The following ZFHX3 variants were observed in gnomAD, a reference collection of about 807,000 sequenced individuals.
ZFHX3 encodes zinc finger homeobox protein 3.
In ZFHX3, 42 loss-of-function variants were observed where a neutral mutation model predicts 279.1. The observed-to-expected ratio is 0.15, with a 90% CI of 0.12 to 0.19. ZFHX3 has a LOEUF of 0.19. Ranked by LOEUF, ZFHX3 falls within the 10% of genes least tolerant of loss-of-function variation. ZFHX3 has a pLI of 1.00. For synonymous variants in ZFHX3, 2,293 were observed against 1,957.8 expected (o/e 1.17, Z -4.52); for missense variants, 4,981 against 4,754.0 (o/e 1.05, Z -1.40).
At chr16:72,919,350 G>A (rs1000240585) in intron 3 of ZFHX3, among the ~76,000 whole-genome samples, 4 of 151,854 alleles carry the variant, frequency 2.6e-5, no homozygotes, top group African/African-American at 9.7e-5. Context: ...TGTAGAGATG[G>A]GGGTTTCACC....
At chr16:73,440,300 C>A (rs1469267129) in intron 3 of ZFHX3, among the ~76,000 whole-genome samples, 3 of 152,180 alleles carry the variant, frequency 2.0e-5, no homozygotes, top group Non-Finnish European at 4.4e-5. Flanking sequence ...AGTGGAGCAA[C>A]ATCCAGACAA....
intron 4 of ZFHX3, among the ~76,000 whole-genome samples, chr16:72,867,429 C>G (rs13338961): frequency 6.6e-6 from 1 of 152,166 alleles, no homozygotes; most frequent in Non-Finnish European, 1.5e-5. Flanking sequence ...CCCCTTCTAT[C>G]TGGAAGATTG....
At chr16:73,220,665 G>A (rs1007060351) in intron 5 of ZFHX3, among the ~76,000 whole-genome samples, 1 of 152,132 alleles carries the variant, frequency 6.6e-6, no homozygotes, top group Non-Finnish European at 1.5e-5. Flanking sequence ...TCTGGTGAAG[G>A]GGGCTAGTGG....
At chr16:72,844,183 C>G (rs781596767) in intron 4 of ZFHX3, among the ~76,000 whole-genome samples, 1 of 152,330 alleles carries the variant, frequency 6.6e-6, no homozygotes, top group Admixed American at 6.5e-5. Context: ...GTCACAGCCC[C>G]GAATCCCAGC....
At chr16:73,421,475 A>G (rs1425919839) in intron 3 of ZFHX3, 1 of 152,246 alleles carries the variant, frequency 6.6e-6, no homozygotes, top group Non-Finnish European at 1.5e-5. Context: ...AATTTGCAAA[A>G]TAATTTTGCT....
Position 73,543,716 on chromosome 16 carries a change from C to A in ZFHX3, c.-1546-87458G>T, listed in dbSNP as rs1017767991. ...TTTTTTCCTCTGCCCAAGTCCCCCG[C>A]CCCCACCTTCTCTTCTCCTCCCAGC... On this transcript the variant is annotated intron_variant, in intron 2 of 17. Transcript: ENST00000641206. 2.0e-5 allele frequency among the ~76,000 whole-genome samples: 3 copies of A among 151,830 alleles called. No homozygotes were observed. In the East Asian group the frequency reaches 5.8e-4, roughly 29 times the overall value.
intron 1 of ZFHX3, among the ~76,000 whole-genome samples, chr16:73,743,098 A>G (rs2053673746): frequency 6.6e-6 from 1 of 152,184 alleles, no homozygotes; most frequent in African/African-American, 2.4e-5. Context: ...ATTTTCATTT[A>G]CTGAATTTTT....
At chr16:73,752,833 A>T (rs145426666) in intron 1 of ZFHX3, among the ~76,000 whole-genome samples, 1 of 152,196 alleles carries the variant, frequency 6.6e-6, no homozygotes, top group Non-Finnish European at 1.5e-5. Context: ...TAGTATGGAC[A>T]CTCTTTCAGA....
chr16:73,802,374 C>T (rs538083681), intron 1 of ZFHX3, among the ~76,000 whole-genome samples: 1 of 152,300 alleles, frequency 6.6e-6, no homozygotes, highest in African/African-American at 2.4e-5. Flanking sequence ...ATGGGTGTTT[C>T]CCAGTGTAAG....
chr16:73,076,841 G>A (rs1282896160), intron 8 of ZFHX3, among the ~76,000 whole-genome samples: 3 of 151,928 alleles, frequency 2.0e-5, no homozygotes, highest in African/African-American at 2.4e-5. Flanking sequence ...TGTGCGCAGC[G>A]GCATTAACTT....
intron 1 of ZFHX3, among the ~76,000 whole-genome samples, chr16:73,812,291 C>T (rs974173316): frequency 1.3e-5 from 2 of 152,228 alleles, no homozygotes; most frequent in Admixed American, 1.3e-4. Flanking sequence ...AACACTCTCA[C>T]TTCCGCTTTG....
intron 1 of ZFHX3, among the ~76,000 whole-genome samples, chr16:73,771,549 C>T (rs1185828673): frequency 1.3e-5 from 2 of 152,178 alleles, no homozygotes; most frequent in African/African-American, 4.8e-5. Context: ...GTCTTACCTT[C>T]CTCTGAGGCT....
chr16:73,823,090 T>G (rs962069613), intron 1 of ZFHX3, among the ~76,000 whole-genome samples: 5 of 152,146 alleles, frequency 3.3e-5, no homozygotes, highest in African/African-American at 1.2e-4. Context: ...ATTAATGATC[T>G]GATCATAAAA....
intron 7 of ZFHX3, among the ~76,000 whole-genome samples, chr16:73,094,068 CA>C (rs1966126640): frequency 6.6e-6 from 1 of 152,118 alleles, no homozygotes; most frequent in South Asian, 2.1e-4. Context: ...TGGACCCCCC[CA>C]ACCCCCTACA....
chr16:73,784,796 A>ATAT (rs1555501448), intron 1 of ZFHX3, among the ~76,000 whole-genome samples: 79 of 131,102 alleles, frequency 6.0e-4, no homozygotes, highest in Admixed American at 1.6e-3. Context: ...TAAAAAAAAA[A>ATAT]ATATATATAT....
intron 3 of ZFHX3, among the ~76,000 whole-genome samples, chr16:73,443,724 C>T (rs980094985): frequency 6.6e-6 from 1 of 151,950 alleles, no homozygotes; most frequent in Non-Finnish European, 1.5e-5. Flanking sequence ...CATAAAATTC[C>T]ACCATATATT....
At chr16:73,472,886 G>C (rs2018694000) in intron 2 of ZFHX3, among the ~76,000 whole-genome samples, 2 of 152,082 alleles carry the variant, frequency 1.3e-5, no homozygotes, top group African/African-American at 4.8e-5. Flanking sequence ...GGTCCACTGA[G>C]GGATTTCATC....
chr16:73,403,521 G>A (rs2017299673), intron 3 of ZFHX3, among the ~76,000 whole-genome samples: 2 of 151,324 alleles, frequency 1.3e-5, no homozygotes, highest in Non-Finnish European at 2.9e-5. Flanking sequence ...GTTTTCCATG[G>A]GAATTAGAAT....
intron 4 of ZFHX3, among the ~76,000 whole-genome samples, chr16:72,868,459 A>C (rs2038077554): frequency 6.6e-6 from 1 of 152,178 alleles, no homozygotes; most frequent in Non-Finnish European, 1.5e-5. Flanking sequence ...ACCTTACATA[A>C]GCTTTCCCTC....
Sources: allele counts gnomAD v4.1 joint callset (sites outside exome capture counted in the v4.1 genomes callset), GRCh38; gene constraint gnomAD v4.1.1; transcripts MANE v1.5; gene names NCBI Gene and HGNC (gene_info 2026-07-23, HGNC 2026-07-21).